The following UNC80 variants were observed in gnomAD, a reference collection of about 807,000 sequenced individuals.
UNC80 encodes the protein protein unc-80 homolog.
UNC80 carries 164 observed loss-of-function variants against 384.6 expected under a neutral mutation model. The observed-to-expected ratio is 0.43, with a 90% CI of 0.38 to 0.49. The LOEUF (loss-of-function observed/expected upper bound fraction) is 0.49. Among genes scored for constraint, UNC80 ranks in the 20% least tolerant of loss-of-function variants. The pLI, the probability that UNC80 is intolerant of heterozygous loss-of-function variation, is 0.00. For synonymous variants in UNC80, 1,486 were observed against 1,527.8 expected (o/e 0.97, Z 0.64); for missense variants, 3,330 against 4,143.0 (o/e 0.80, Z 5.39).
intron 4 of UNC80, among the ~76,000 whole-genome samples, chr2:209,781,931 A>G (rs1212999297): frequency 6.6e-6 from 1 of 152,116 alleles, no homozygotes; most frequent in African/African-American, 2.4e-5. Context: ...AACTCAAACT[A>G]CCTTTCACTA....
Position 209,817,817 on chromosome 2 carries a change from T to G in UNC80, c.1558T>G (p.Leu520Val). 1 of 1,551,510 alleles carries G rather than the reference T, an allele frequency of 6.4e-7. No homozygotes were observed. Among genetic ancestry groups the G allele is most frequent in the Non-Finnish European group, 8.7e-7 (1 of 1,146,946 alleles). Reference sequence around the variant, plus strand: ...GGTGCTCTTATTCATCCCAGGGAAATTGACCCGGCGAGGCAGTTCAGATGC... The same window carrying G: ...GGTGCTCTTATTCATCCCAGGGAAAGTGACCCGGCGAGGCAGTTCAGATGC... ...GGWQTTILGK[L>V]TRRGSSDAAT... The change falls in exon 11 of 65, where the codon TTG (leucine) becomes GTG (valine). Residue 520 changes from leucine to valine, a missense_variant. Coordinates refer to ENST00000673920, the MANE Select transcript of UNC80 (RefSeq NM_001371986.1).
chr2:209,834,064 C>T lies in UNC80; in HGVS notation c.2838C>T (p.Phe946=). ...QFIKEAHGNV[F]RRVALSALLD... is the part of the protein sequence containing the mutation. ...TCAAAGAGGCTCATGGGAATGTCTT[C>T]AGGAGAGTGGCCCTCAGCGCTCTGC... The change falls in exon 17 of 65, where the codon TTC becomes TTT. Residue 946 remains phenylalanine (F), a synonymous_variant. Coordinates refer to ENST00000673920, the MANE Select transcript of UNC80 (RefSeq NM_001371986.1). 2.6e-6 allele frequency: 4 copies of T among 1,551,748 alleles called. No homozygotes were observed. Among genetic ancestry groups the T allele is most frequent in the Non-Finnish European group, 3.5e-6 (4 of 1,146,982 alleles).
At chr2:209,915,187 G>A (rs1207796500) in intron 31 of UNC80, among the ~76,000 whole-genome samples, 9 of 151,874 alleles carry the variant, frequency 5.9e-5, no homozygotes, top group Non-Finnish European at 1.5e-5. Context: ...GGCGGATCAC[G>A]AGGTCAGGAG....
In UNC80 at chr2:209,992,417, C is replaced by G. The variant is rs529113976; in HGVS notation, c.9396+170C>G. On this transcript the variant is annotated intron_variant, in intron 62 of 64. Transcript: ENST00000673920. Reference sequence around the variant, plus strand: ...TTGAGCCCAGGAGTTAGAGTCCAGCCTGGGCAACATAGTAAGACTCTGTCT... The same window carrying G: ...TTGAGCCCAGGAGTTAGAGTCCAGCGTGGGCAACATAGTAAGACTCTGTCT... Among the ~76,000 whole-genome samples the G allele has an allele frequency of 3.9e-5, 6 of 152,112 alleles. No individual in the cohort carries two copies. The East Asian group carries it at 9.6e-4, about 24-fold the overall frequency.
At chr2:209,928,678 A>G (rs965816880) in intron 36 of UNC80, among the ~76,000 whole-genome samples, 4 of 152,202 alleles carry the variant, frequency 2.6e-5, no homozygotes, top group African/African-American at 9.6e-5. Context: ...TTGTGTTAGG[A>G]ACACTCAAAA....
intron 11 of UNC80, among the ~76,000 whole-genome samples, chr2:209,818,658 A>G (rs574042995): frequency 1.3e-5 from 2 of 152,360 alleles, no homozygotes; most frequent in South Asian, 2.1e-4. Flanking sequence ...AATAGTTTAT[A>G]TCAGTATGAT....
chr2:209,801,142 T>A (rs1250851999), intron 7 of UNC80, among the ~76,000 whole-genome samples: 1 of 152,146 alleles, frequency 6.6e-6, no homozygotes, highest in East Asian at 1.9e-4. Flanking sequence ...TGTGTAATAC[T>A]GACATTGGGG....
intron 8 of UNC80, 89 bp downstream of exon 8, chr2:209,813,930 T>C: frequency 6.9e-7 from 1 of 1,453,144 alleles, no homozygotes; most frequent in Non-Finnish European, 9.2e-7. Flanking sequence ...TCTTAGGTAC[T>C]CTAGTGCTGA....
intron 23 of UNC80, among the ~76,000 whole-genome samples, chr2:209,873,891 T>G (rs1221305780): frequency 1.3e-5 from 2 of 152,218 alleles, no homozygotes; most frequent in Admixed American, 1.3e-4. Flanking sequence ...GCAGTCTTTC[T>G]GTATCAGTCT....
At chr2:209,838,945 G>C (rs2081541768) in intron 18 of UNC80, among the ~76,000 whole-genome samples, 1 of 152,124 alleles carries the variant, frequency 6.6e-6, no homozygotes, top group African/African-American at 2.4e-5. Context: ...CACACCTGCA[G>C]ATGAATACCT....
chr2:209,982,955 T>TATATATATAC (rs143952159), intron 60 of UNC80: 1 of 147,524 alleles, frequency 6.8e-6, no homozygotes, highest in Non-Finnish European at 1.5e-5. Flanking sequence ...TATATATATA[T>TATATATATAC]ACACACACAC....
In UNC80 at chr2:209,984,782, A is replaced by G. The variant is rs1052261070; in HGVS notation, c.9258-74A>G. 4.3e-6 allele frequency: 6 copies of G among 1,380,316 alleles called. No individual in the cohort carries two copies. In the African/African-American group the frequency reaches 6.0e-5, roughly 14 times the overall value. 85.5% of individuals were successfully genotyped at this position (1,380,316 alleles called of 1,614,324 possible). Reference sequence around the variant, plus strand: ...TTGGTTCTTGGAAGCAGAAAATTGCATGCCTTTTTTCTTTTTTCTTTTTTT... The same window carrying G: ...TTGGTTCTTGGAAGCAGAAAATTGCGTGCCTTTTTTCTTTTTTCTTTTTTT... On this transcript the variant is annotated intron_variant, in intron 60 of 64. Transcript: ENST00000673920.
At chr2:209,970,123 C>CT in intron 53 of UNC80, 1 of 499,418 alleles carries the variant, frequency 2.0e-6, no homozygotes, top group South Asian at 3.3e-5. Flanking sequence ...CCATGCACTA[C>CT]TTTGACAATT....
intron 14 of UNC80, among the ~76,000 whole-genome samples, chr2:209,828,616 T>C (rs1305437389): frequency 6.6e-6 from 1 of 152,096 alleles, no homozygotes; most frequent in African/African-American, 2.4e-5. Flanking sequence ...ACTAATACAA[T>C]CCCAATTCTC....
At chr2:209,965,464 G>GT (rs1406119717) in intron 51 of UNC80, among the ~76,000 whole-genome samples, 7 of 150,738 alleles carry the variant, frequency 4.6e-5, no homozygotes, top group Non-Finnish European at 8.9e-5. Context: ...GACCTTAGAA[G>GT]TTTTTTGTTT....
intron 30 of UNC80, among the ~76,000 whole-genome samples, chr2:209,913,471 C>T (rs1309239953): frequency 6.6e-6 from 1 of 152,094 alleles, no homozygotes; most frequent in Non-Finnish European, 1.5e-5. Flanking sequence ...CTTTAAAAAT[C>T]TATGAAGACT....
At chr2:209,838,689 C>T (rs778107533) in intron 18 of UNC80, among the ~76,000 whole-genome samples, 3 of 152,082 alleles carry the variant, frequency 2.0e-5, no homozygotes, top group African/African-American at 4.8e-5. Flanking sequence ...TGGCTGGGCA[C>T]GGTGGCTCAT....
At position 209,995,411 on chromosome 2, in the gene UNC80, C is replaced by T. The variant is rs753398055; in HGVS notation, c.9791C>T (p.Ala3264Val). ...GCTACTGCACACAGTCCACTCTCTG[C>T]CCAACTCTCTGACCCTGATGACTTC... ...QGATAHSPLS[A>V]QLSDPDDFTG... Residue 3264 changes from alanine to valine, a missense_variant, in exon 65 of 65, where the codon GCC (alanine) becomes GTC (valine). Coordinates refer to ENST00000673920, the MANE Select transcript of UNC80 (RefSeq NM_001371986.1). 9 of 1,551,982 alleles carry T rather than the reference C, an allele frequency of 5.8e-6. No individual in the cohort carries two copies. The South Asian group carries it at 1.1e-4, about 18-fold the overall frequency.
intron 32 of UNC80, 142 bp downstream of exon 32, chr2:209,918,100 A>G (rs967527461): frequency 1.0e-5 from 8 of 777,138 alleles, no homozygotes; most frequent in African/African-American, 7.0e-5. Flanking sequence ...CCTAACATAC[A>G]TGAATGCATT....
Sources: allele counts gnomAD v4.1 joint callset (sites outside exome capture counted in the v4.1 genomes callset), GRCh38; gene constraint gnomAD v4.1.1; transcripts MANE v1.5; gene names NCBI Gene and HGNC (gene_info 2026-07-23, HGNC 2026-07-21).